MACROD2: variants seen among roughly 807,000 people sequenced by gnomAD.
MACROD2 encodes mono-ADP ribosylhydrolase 2, also known as ADP-ribose glycohydrolase MACROD2.
In MACROD2, 36 loss-of-function variants were observed where a neutral mutation model predicts 70.4. That is an observed-to-expected ratio of 0.51 (90% CI 0.39 to 0.68). The LOEUF (loss-of-function observed/expected upper bound fraction) is 0.68. MACROD2 is among the 30% of genes least tolerant of loss of function. The probability of loss-of-function intolerance (pLI) is 0.00; values close to 1 mark genes in which losing one functional copy is unlikely to be tolerated. For synonymous variants in MACROD2, 172 were observed against 178.8 expected, an observed-to-expected ratio of 0.96 and a Z score of 0.30; for missense variants, 496 against 538.4, an observed-to-expected ratio of 0.92 and a Z score of 0.78.
chr20:14,388,938 C>T (rs1362589412), intron 3 of MACROD2, among the ~76,000 whole-genome samples: 4 of 152,010 alleles, frequency 2.6e-5, no homozygotes, highest in East Asian at 3.9e-4. Flanking sequence ...AGTGCAGTGG[C>T]GTGATCTCGG....
chr20:15,887,663 T>C (rs2064838957), intron 10 of MACROD2, among the ~76,000 whole-genome samples: 1 of 152,150 alleles, frequency 6.6e-6, no homozygotes, highest in Non-Finnish European at 1.5e-5. Context: ...TAATGCTGTC[T>C]AGTAGAAACA....
intron 13 of MACROD2, 134 bp from the exon 14 acceptor site, chr20:15,986,593 A>ATCTT (rs2066486439): frequency 3.7e-6 from 2 of 542,288 alleles, no homozygotes; most frequent in South Asian, 6.3e-5. Context: ...GAAAAATTGT[A>ATCTT]TCTTTGCCCT....
At chr20:14,230,153 G>T (rs1384141505) in intron 3 of MACROD2, among the ~76,000 whole-genome samples, 1 of 152,144 alleles carries the variant, frequency 6.6e-6, no homozygotes, top group African/African-American at 2.4e-5. Context: ...GGTTGCTGAA[G>T]GTTAGGGTGG....
intron 9 of MACROD2, among the ~76,000 whole-genome samples, chr20:15,869,254 G>A: frequency 7.9e-6 from 1 of 126,786 alleles, no homozygotes; most frequent in African/African-American, 2.8e-5. Flanking sequence ...GAGAGAGAGA[G>A]AGAGAGAGAG....
At chr20:15,356,452 C>T (rs1057484447) in intron 6 of MACROD2, among the ~76,000 whole-genome samples, 5 of 152,132 alleles carry the variant, frequency 3.3e-5, no homozygotes, top group African/African-American at 9.7e-5. Flanking sequence ...GAACTTCATT[C>T]TTGATAAAAA....
chr20:14,943,509 G>A (rs977437388), intron 5 of MACROD2, among the ~76,000 whole-genome samples: 5 of 151,960 alleles, frequency 3.3e-5, no homozygotes, highest in African/African-American at 1.2e-4. Context: ...AATAATGGTT[G>A]ATATATTGCT....
chr20:14,940,515 A>C (rs1169814342), intron 5 of MACROD2, among the ~76,000 whole-genome samples: 1 of 152,198 alleles, frequency 6.6e-6, no homozygotes, highest in African/African-American at 2.4e-5. Flanking sequence ...TTCCATGTTC[A>C]GTACAATGGT....
intron 5 of MACROD2, among the ~76,000 whole-genome samples, chr20:14,708,853 C>T (rs1271090652): frequency 1.3e-5 from 2 of 152,060 alleles, no homozygotes; most frequent in African/African-American, 2.4e-5. Context: ...CTCCTGACCT[C>T]GTGATCCACC....
intron 5 of MACROD2, among the ~76,000 whole-genome samples, chr20:14,691,836 G>T (rs1434635747): frequency 1.3e-5 from 2 of 152,096 alleles, no homozygotes; most frequent in East Asian, 1.9e-4. Context: ...ATTACACAAA[G>T]AGAAAAGCCG....
At chr20:14,111,275 G>T (rs2054447709) in intron 3 of MACROD2, among the ~76,000 whole-genome samples, 1 of 151,880 alleles carries the variant, frequency 6.6e-6, no homozygotes, top group Non-Finnish European at 1.5e-5. Flanking sequence ...GAAAACATTG[G>T]GGAAACTCTC....
At chr20:14,270,723 C>T (rs2082185666) in intron 3 of MACROD2, among the ~76,000 whole-genome samples, 1 of 152,092 alleles carries the variant, frequency 6.6e-6, no homozygotes, top group Non-Finnish European at 1.5e-5. Flanking sequence ...GTGAGAGAGC[C>T]AAGATGGCCG....
intron 11 of MACROD2, among the ~76,000 whole-genome samples, chr20:15,935,364 A>G (rs769902650): frequency 6.6e-6 from 1 of 152,192 alleles, no homozygotes; most frequent in African/African-American, 2.4e-5. Flanking sequence ...GAGTCCACCT[A>G]TAATCCTGGC....
At chr20:14,059,970 G>A (rs2053673871) in intron 2 of MACROD2, among the ~76,000 whole-genome samples, 1 of 152,162 alleles carries the variant, frequency 6.6e-6, no homozygotes, top group Admixed American at 6.5e-5. Flanking sequence ...ATTTAGGGTA[G>A]CGTTTTAGTT....
intron 5 of MACROD2, among the ~76,000 whole-genome samples, chr20:14,958,696 A>C (rs2122760482): frequency 6.6e-6 from 1 of 152,302 alleles, no homozygotes; most frequent in East Asian, 1.9e-4. Flanking sequence ...AGAAATCTCA[A>C]GCTTTGCCCT....
chr20:14,730,799 A>G (rs1350907889), intron 5 of MACROD2, among the ~76,000 whole-genome samples: 1 of 152,200 alleles, frequency 6.6e-6, no homozygotes, highest in East Asian at 1.9e-4. Flanking sequence ...AATACTGGAC[A>G]AAAGTTACAT....
At chr20:15,425,498 G>A (rs1004822125) in intron 6 of MACROD2, among the ~76,000 whole-genome samples, 1 of 152,126 alleles carries the variant, frequency 6.6e-6, no homozygotes, top group Admixed American at 6.6e-5. Flanking sequence ...TTAAATGGAA[G>A]GTATATCAGG....
intron 15 of MACROD2, among the ~76,000 whole-genome samples, chr20:16,010,089 G>C (rs191037118): frequency 1.3e-5 from 2 of 152,106 alleles, no homozygotes; most frequent in African/African-American, 2.4e-5. Flanking sequence ...TGAGGGTCTT[G>C]CTTCATATAA....
intron 8 of MACROD2, among the ~76,000 whole-genome samples, chr20:15,853,295 A>G (rs935889619): frequency 3.9e-5 from 6 of 152,210 alleles, no homozygotes; most frequent in African/African-American, 1.4e-4. Context: ...TAGAATTTCT[A>G]TGTGGTCATT....
intron 15 of MACROD2, among the ~76,000 whole-genome samples, chr20:16,039,470 C>T (rs765032717): frequency 1.4e-4 from 20 of 148,132 alleles, no homozygotes; most frequent in South Asian, 6.7e-4. Flanking sequence ...ACTTTGTCTA[C>T]GATAAAAGGT....
Sources: allele counts gnomAD v4.1 joint callset (sites outside exome capture counted in the v4.1 genomes callset), GRCh38; gene constraint gnomAD v4.1.1; transcripts MANE v1.5; gene names NCBI Gene and HGNC (gene_info 2026-07-23, HGNC 2026-07-21).